Variants in UST observed in about 807,000 individuals in gnomAD.
The protein encoded by UST is chondroitin sulfate 2-O-sulfotransferase.
Under a neutral mutation model 45.6 loss-of-function variants are expected in UST, and 21 were observed. The ratio of observed to expected loss-of-function variants is 0.46; its 90% CI spans 0.33 to 0.66. The LOEUF is 0.66. Among genes scored for constraint, UST ranks in the 30% least tolerant of loss-of-function variants. The pLI, the probability that UST is intolerant of heterozygous loss-of-function variation, is 0.02. For synonymous variants in UST, 215 were observed against 200.6 expected (o/e 1.07, Z -0.61); for missense variants, 463 against 512.4 (o/e 0.90, Z 0.93).
In UST at chr6:148,747,166, A is replaced by G. The variant is rs1775878898; in HGVS notation, c.-265A>G. On this transcript the variant is annotated 5_prime_UTR_variant, in exon 1 of 8. Coordinates refer to ENST00000367463, the MANE Select transcript of UST (RefSeq NM_005715.3). ...GCGGGGCGCGGGGCGTGGGGACGCTAGCGGGCGCCGGACGGGCGCGGCGCC... is the reference window on the plus strand; with the variant it reads ...GCGGGGCGCGGGGCGTGGGGACGCTGGCGGGCGCCGGACGGGCGCGGCGCC... Among the ~76,000 whole-genome samples, 1 of 149,148 alleles carries G rather than the reference A, an allele frequency of 6.7e-6. No individual in the cohort carries two copies. The highest frequency in any genetic ancestry group is 2.1e-4 in the South Asian group (1 of 4,808).
At chr6:148,929,671 G>A (rs1779885249) in intron 2 of UST, among the ~76,000 whole-genome samples, 1 of 152,146 alleles carries the variant, frequency 6.6e-6, no homozygotes, top group South Asian at 2.1e-4. Context: ...TATTGTTTGA[G>A]TTTCGTTGGG....
intron 5 of UST, among the ~76,000 whole-genome samples, chr6:148,979,654 T>A (rs555421559): frequency 6.6e-6 from 1 of 152,250 alleles, no homozygotes; most frequent in Non-Finnish European, 1.5e-5. Flanking sequence ...ATGTTGATGC[T>A]TGATTGCACG....
At chr6:149,004,125 T>TATAGTATTTAATAGAAC (rs1781603485) in intron 5 of UST, among the ~76,000 whole-genome samples, 1 of 152,164 alleles carries the variant, frequency 6.6e-6, no homozygotes, top group African/African-American at 2.4e-5. Context: ...TAATATTGAA[T>TATAGTATTTAATAGAAC]ATAGTATTTA....
intron 1 of UST, among the ~76,000 whole-genome samples, chr6:148,861,660 C>T (rs1778315591): frequency 2.6e-5 from 4 of 152,214 alleles, no homozygotes; most frequent in Admixed American, 2.6e-4. Context: ...CCTCTACACA[C>T]TGCTTTAAAT....
chr6:148,889,144 A>AT, intron 2 of UST, among the ~76,000 whole-genome samples: 1 of 152,348 alleles, frequency 6.6e-6, no homozygotes, highest in Admixed American at 6.5e-5. Flanking sequence ...AGAGTGTCTG[A>AT]TTCAGTGGGT....
At chr6:149,057,933 A>G (rs1176293306) in intron 7 of UST, among the ~76,000 whole-genome samples, 1 of 152,232 alleles carries the variant, frequency 6.6e-6, no homozygotes, top group Non-Finnish European at 1.5e-5. Context: ...ATGTATTTGC[A>G]TATGTGTATA....
intron 1 of UST, among the ~76,000 whole-genome samples, chr6:148,796,482 GACGTGGTGGC>G (rs1305340355): frequency 6.6e-6 from 1 of 152,028 alleles, no homozygotes; most frequent in Non-Finnish European, 1.5e-5. Flanking sequence ...AAATTAGATG[GACGTGGTGGC>G]ACGGGCCTGT....
chr6:149,069,137 A>T lies in UST; in HGVS notation c.938-4696A>T, dbSNP rs1157475157. The stretch of plus-strand genomic sequence containing the variant: ...AATACCACATTTTCTTCATTCATTC[A>T]TTGATGGACACAGGTTGATTCCATA... On this transcript the variant is annotated intron_variant, in intron 7 of 7. Coordinates refer to ENST00000367463, the MANE Select transcript of UST (RefSeq NM_005715.3). Among the ~76,000 whole-genome samples, 3 of 152,198 alleles carry T rather than the reference A, an allele frequency of 2.0e-5. No individual in the cohort carries two copies. In the East Asian group the frequency reaches 5.8e-4, roughly 29 times the overall value.
At chr6:148,958,928 C>G (rs1239826250) in intron 4 of UST, 1 of 152,222 alleles carries the variant, frequency 6.6e-6, no homozygotes, top group Non-Finnish European at 1.5e-5. Context: ...CACCACTTCC[C>G]TTATCCTTTT....
intron 1 of UST, among the ~76,000 whole-genome samples, chr6:148,834,053 C>T (rs1340308570): frequency 6.6e-6 from 1 of 152,082 alleles, no homozygotes; most frequent in South Asian, 2.1e-4. Context: ...AAGAGTCTGT[C>T]TTAGATATGT....
intron 7 of UST, among the ~76,000 whole-genome samples, chr6:149,042,979 C>CTTTCTTTCTTTCTTT (rs1217059356): frequency 8.8e-6 from 1 of 114,236 alleles, no homozygotes; most frequent in Non-Finnish European, 1.8e-5. Context: ...TTCTTTCTTT[C>CTTTCTTTCTTTCTTT]TTTCTTTCTT....
chr6:148,815,505 C>T (rs992096210), intron 1 of UST, among the ~76,000 whole-genome samples: 6 of 152,072 alleles, frequency 3.9e-5, no homozygotes, highest in African/African-American at 9.7e-5. Context: ...TTTAACCATA[C>T]GGTCCCAGTG....
intron 1 of UST, among the ~76,000 whole-genome samples, chr6:148,872,979 A>T (rs886960589): frequency 2.6e-5 from 4 of 152,156 alleles, no homozygotes; most frequent in Admixed American, 2.0e-4. Context: ...ACGGACTCAC[A>T]GGTTTTGGAG....
At chr6:149,043,552 T>C (rs1197574735) in intron 7 of UST, among the ~76,000 whole-genome samples, 1 of 152,256 alleles carries the variant, frequency 6.6e-6, no homozygotes, top group East Asian at 1.9e-4. Context: ...TGTGGCCTCC[T>C]TTTCTGAGGG....
intron 3 of UST, among the ~76,000 whole-genome samples, chr6:148,946,441 G>A (rs528539334): frequency 3.4e-5 from 5 of 147,248 alleles, no homozygotes; most frequent in Non-Finnish European, 7.4e-5. Context: ...AACCCAGGAG[G>A]CAGAGGTTGC....
At chr6:148,832,865 G>C (rs1056411410) in intron 1 of UST, among the ~76,000 whole-genome samples, 3 of 152,146 alleles carry the variant, frequency 2.0e-5, no homozygotes, top group Non-Finnish European at 4.4e-5. Context: ...TTTTCAACTT[G>C]CTTCTTAAAA....
At chr6:148,756,226 A>C (rs1776095936) in intron 1 of UST, among the ~76,000 whole-genome samples, 1 of 152,054 alleles carries the variant, frequency 6.6e-6, no homozygotes, top group Non-Finnish European at 1.5e-5. Context: ...TGGTTTCATA[A>C]GGGGCTTTTC....
rs761491969 is a variant in UST, at chr6:148,934,557, A to G, written c.292-6722A>G. ...AATTATGACTGGTAAATGTGAGTGGAGCTCATCAACACACAATGAGACCCC... is the reference window on the plus strand; with the variant it reads ...AATTATGACTGGTAAATGTGAGTGGGGCTCATCAACACACAATGAGACCCC... On this transcript the variant is annotated intron_variant, in intron 2 of 7. Transcript: ENST00000367463. The surrounding 1 kb of genome is among the most constrained non-coding windows in gnomAD (Gnocchi z 4.1). Among the ~76,000 whole-genome samples the G allele has an allele frequency of 5.9e-5, 9 of 152,176 alleles. No individual in the cohort carries two copies. The highest frequency in any genetic ancestry group is 1.3e-4 in the Non-Finnish European group (9 of 68,042).
intron 1 of UST, among the ~76,000 whole-genome samples, chr6:148,865,664 TTGTGTG>T (rs56252604): frequency 0.15 from 18,222 of 117,592 alleles, 1,211 homozygotes; most frequent in African/African-American, 0.18. Flanking sequence ...CTTGCTGAAA[TTGTGTG>T]TGTGTGTGTG....
Sources: gnomAD v4.1 joint callset for allele counts (sites outside exome capture counted in the v4.1 genomes callset) on GRCh38, gnomAD v4.1.1 for gene constraint, Gnocchi (gnomAD v3.1) non-coding constraint, MANE v1.5 for transcripts, NCBI Gene and HGNC (gene_info 2026-07-23, HGNC 2026-07-21) for gene names.